The following FRAS1 variants were observed in gnomAD, a reference collection of about 807,000 sequenced individuals.
FRAS1 encodes extracellular matrix organizing protein FRAS1.
A neutral mutation model predicts 435.2 loss-of-function variants in FRAS1; 290 were observed. The observed-to-expected ratio is 0.67, with a 90% CI of 0.61 to 0.73. FRAS1 has a LOEUF of 0.73. FRAS1 is among the 30% of genes least tolerant of loss of function. The pLI, the probability that FRAS1 is intolerant of heterozygous loss-of-function variation, is 0.00. For synonymous variants in FRAS1, 1,800 were observed against 1,851.0 expected (o/e 0.97, Z 0.71); for missense variants, 4,860 against 5,001.5 (o/e 0.97, Z 0.85).
chr4:78,482,261 G>A, intron 57 of FRAS1, 127 bp from the exon 58 acceptor site: 10 of 1,065,574 alleles, frequency 9.4e-6, no homozygotes, highest in Non-Finnish European at 1.4e-5. Context: ...AGATCATCAT[G>A]TTATGGATTA....
intron 4 of FRAS1, among the ~76,000 whole-genome samples, chr4:78,251,122 G>A (rs542822989): frequency 1.2e-4 from 19 of 152,240 alleles, no homozygotes; most frequent in African/African-American, 4.3e-4. Flanking sequence ...TTGCTTTCAT[G>A]TGTAGGCCTT....
At chr4:78,308,030 C>T (rs372679628) in intron 14 of FRAS1, 36 bp from the exon 15 acceptor site, 103 of 1,560,874 alleles carry the variant, frequency 6.6e-5, no homozygotes, top group African/African-American at 1.8e-4. Flanking sequence ...TCCTTTCTGC[C>T]GTAGATTACT....
At chr4:78,326,019 G>C (rs1729703949) in intron 18 of FRAS1, among the ~76,000 whole-genome samples, 1 of 152,192 alleles carries the variant, frequency 6.6e-6, no homozygotes, top group Non-Finnish European at 1.5e-5. Context: ...TGGAGATGCA[G>C]GGTGTGTGTG....
At chr4:78,460,309 G>A (rs567427840) in intron 47 of FRAS1, among the ~76,000 whole-genome samples, 46 of 152,200 alleles carry the variant, frequency 3.0e-4, no homozygotes, top group Admixed American at 7.2e-4. Context: ...CAGGGTTAAT[G>A]TGGGTCTCCA....
At chr4:78,488,679 T>C (rs1720247034) in intron 58 of FRAS1, among the ~76,000 whole-genome samples, 196 bp from the exon 59 acceptor site, 1 of 152,174 alleles carries the variant, frequency 6.6e-6, no homozygotes, top group Non-Finnish European at 1.5e-5. Flanking sequence ...TGCACACTTA[T>C]AGTAGAAGCA....
At chr4:78,323,500 C>A (rs1729590057) in intron 18 of FRAS1, among the ~76,000 whole-genome samples, 2 of 152,188 alleles carry the variant, frequency 1.3e-5, no homozygotes, top group Non-Finnish European at 2.9e-5. Context: ...CTGCATCCCC[C>A]AAAACAACAT....
intron 2 of FRAS1, among the ~76,000 whole-genome samples, chr4:78,073,738 C>T (rs1478332569): frequency 1.3e-5 from 2 of 152,066 alleles, no homozygotes; most frequent in African/African-American, 4.8e-5. Context: ...ATATAAATAT[C>T]AAATGACAAT....
chr4:78,517,515 G>A (rs1417319569), intron 66 of FRAS1, among the ~76,000 whole-genome samples: 1 of 152,170 alleles, frequency 6.6e-6, no homozygotes, highest in Non-Finnish European at 1.5e-5. Flanking sequence ...GAAGTATTTT[G>A]TTGTTGTCTG....
At chr4:78,486,696 T>C (rs528595176) in intron 58 of FRAS1, among the ~76,000 whole-genome samples, 61 of 152,130 alleles carry the variant, frequency 4.0e-4, no homozygotes, top group Non-Finnish European at 7.1e-4. Context: ...GCTAAATCTC[T>C]TCCTGAAACT....
chr4:78,338,697 G>T (rs1730274536), intron 20 of FRAS1, among the ~76,000 whole-genome samples: 3 of 152,166 alleles, frequency 2.0e-5, no homozygotes, highest in Admixed American at 1.3e-4. Context: ...GCTTGTTCTG[G>T]AGCAGGGAAG....
intron 65 of FRAS1, among the ~76,000 whole-genome samples, chr4:78,515,215 C>T (rs988361763): frequency 1.3e-5 from 2 of 151,936 alleles, no homozygotes; most frequent in Non-Finnish European, 2.9e-5. Context: ...GTGAGAGTTA[C>T]AGGCATCATT....
chr4:78,330,414 C>G (rs901365277), intron 18 of FRAS1, among the ~76,000 whole-genome samples: 1 of 152,184 alleles, frequency 6.6e-6, no homozygotes, highest in South Asian at 2.1e-4. Context: ...GAAAAAAGAA[C>G]AGGATAACAG....
intron 61 of FRAS1, among the ~76,000 whole-genome samples, chr4:78,504,822 A>G (rs1297839939): frequency 6.6e-6 from 1 of 152,166 alleles, no homozygotes; most frequent in African/African-American, 2.4e-5. Context: ...CATAGCATCA[A>G]TGGTCTTTAC....
intron 2 of FRAS1, among the ~76,000 whole-genome samples, chr4:78,172,165 G>T (rs1383556924): frequency 6.6e-6 from 1 of 152,060 alleles, no homozygotes; most frequent in Admixed American, 6.5e-5. Flanking sequence ...GTATCTGCGT[G>T]CTTGTATTAG....
At chr4:78,244,988 G>A (rs1245277358) in intron 3 of FRAS1, among the ~76,000 whole-genome samples, 1 of 152,142 alleles carries the variant, frequency 6.6e-6, no homozygotes, top group African/African-American at 2.4e-5. Context: ...TTCATCACAT[G>A]TGAAAAGATG....
chr4:78,303,239 C>T lies in FRAS1; in HGVS notation c.1535-4827C>T, dbSNP rs549426075. Among the ~76,000 whole-genome samples, 1,266 of 152,122 alleles carry T rather than the reference C, an allele frequency of 8.3e-3. 23 individuals carry two copies. The highest frequency in any genetic ancestry group is 0.029 in the African/African-American group (1,194 of 41,494). Reference sequence around the variant, plus strand: ...TATATCTCTGTTTTGGTACCAGTACCATGCTGTTTTGGTTACTGTAGCCTT... The same window carrying T: ...TATATCTCTGTTTTGGTACCAGTACTATGCTGTTTTGGTTACTGTAGCCTT... On this transcript the variant is annotated intron_variant, in intron 14 of 73. Transcript: ENST00000512123.
intron 29 of FRAS1, among the ~76,000 whole-genome samples, chr4:78,391,890 G>C (rs531710362): frequency 1.3e-5 from 2 of 152,246 alleles, no homozygotes; most frequent in South Asian, 4.1e-4. Flanking sequence ...ACATTTATGA[G>C]AGTTACAAAT....
intron 2 of FRAS1, among the ~76,000 whole-genome samples, chr4:78,159,589 A>G (rs1353578968): frequency 6.6e-6 from 1 of 152,180 alleles, no homozygotes; most frequent in Non-Finnish European, 1.5e-5. Flanking sequence ...TTTAAAAATG[A>G]CCTAGAACTG....
intron 20 of FRAS1, among the ~76,000 whole-genome samples, chr4:78,340,680 G>A (rs1181612109): frequency 6.6e-6 from 1 of 152,146 alleles, no homozygotes; most frequent in African/African-American, 2.4e-5. Flanking sequence ...CTCAAACAAT[G>A]GAAATTTATT....
Sources: gnomAD v4.1 joint callset for allele counts (sites outside exome capture counted in the v4.1 genomes callset) on GRCh38, gnomAD v4.1.1 for gene constraint, MANE v1.5 for transcripts, NCBI Gene and HGNC (gene_info 2026-07-23, HGNC 2026-07-21) for gene names.